LDLRAD4: variants seen among roughly 807,000 people sequenced by gnomAD.
LDLRAD4 encodes low density lipoprotein receptor class A domain containing 4, also known as low-density lipoprotein receptor class A domain-containing protein 4.
A neutral mutation model predicts 17.0 loss-of-function variants in LDLRAD4; 5 were observed. That is an observed-to-expected ratio of 0.29 (90% CI 0.15 to 0.62). The LOEUF is 0.62. Among genes scored for constraint, LDLRAD4 ranks in the 20% least tolerant of loss-of-function variants. LDLRAD4 has a pLI of 0.84. For missense variants in LDLRAD4, 340 were observed against 424.7 expected (o/e 0.80, Z 1.75); for synonymous variants, 168 against 171.8 (o/e 0.98, Z 0.17).
intron 3 of LDLRAD4, among the ~76,000 whole-genome samples, chr18:13,582,167 A>AG (rs1307538764): frequency 6.6e-6 from 1 of 152,190 alleles, no homozygotes; most frequent in Non-Finnish European, 1.5e-5. Flanking sequence ...GCCAAAAATG[A>AG]GGGAAAAAAC....
chr18:13,305,206 T>C (rs989656850), intron 1 of LDLRAD4, among the ~76,000 whole-genome samples: 1 of 152,250 alleles, frequency 6.6e-6, no homozygotes, highest in East Asian at 1.9e-4. Context: ...GTACCTGTTA[T>C]AAAAAGTTAA....
intron 3 of LDLRAD4, chr18:13,611,844 T>A: frequency 1.0e-6 from 1 of 985,414 alleles, no homozygotes; most frequent in Non-Finnish European, 1.2e-6. Flanking sequence ...CCTCACGCCT[T>A]GCCAGTACAG....
intron 3 of LDLRAD4, chr18:13,615,445 G>A (rs2039987639): frequency 6.6e-6 from 1 of 152,204 alleles, no homozygotes; most frequent in East Asian, 1.9e-4. Flanking sequence ...GTTATATTAG[G>A]AGCCTAAGGT....
chr18:13,370,539 T>C (rs1195382427), intron 1 of LDLRAD4, among the ~76,000 whole-genome samples: 1 of 152,150 alleles, frequency 6.6e-6, no homozygotes, highest in Non-Finnish European at 1.5e-5. Flanking sequence ...TCAGGGACTC[T>C]ACAGCGGCAC....
At chr18:13,415,948 TG>T (rs1349209833) in intron 2 of LDLRAD4, among the ~76,000 whole-genome samples, 1 of 152,226 alleles carries the variant, frequency 6.6e-6, no homozygotes, top group African/African-American at 2.4e-5. Context: ...GGAACGTGCA[TG>T]GCTCTGTCTT....
chr18:13,247,706 G>A (rs2043024934), intron 1 of LDLRAD4, among the ~76,000 whole-genome samples: 1 of 152,106 alleles, frequency 6.6e-6, no homozygotes, highest in African/African-American at 2.4e-5. Flanking sequence ...GTGCCTGGCG[G>A]TGTGCTTGTC....
At chr18:13,430,392 G>A (rs955217393) in intron 2 of LDLRAD4, among the ~76,000 whole-genome samples, 1 of 152,158 alleles carries the variant, frequency 6.6e-6, no homozygotes, top group Admixed American at 6.5e-5. Flanking sequence ...TTAAAAGCTC[G>A]GCACAGTTGA....
At chr18:13,650,436 C>T (rs921710909) in exon 6 of LDLRAD4, 2 of 398,426 alleles carry the variant, frequency 5.0e-6, no homozygotes, top group Admixed American at 4.4e-5. Flanking sequence ...ACTATCCGTG[C>T]ACATTATATA....
rs753175934 is a variant in LDLRAD4, at chr18:13,506,202, C to T, written c.181+67818C>T. 4.9e-5 allele frequency among the ~76,000 whole-genome samples: 7 copies of T among 143,304 alleles called. No individual in the cohort carries two copies. The East Asian group carries it at 8.4e-4, about 17-fold the overall frequency. 94.0% of individuals were successfully genotyped at this position (143,304 alleles called of 152,430 possible). A position where few individuals can be genotyped will look rare whatever the true frequency, so the allele number is the denominator to read the frequency against. On this transcript the variant is annotated intron_variant, in intron 3 of 5. Coordinates refer to ENST00000359446, the Ensembl canonical transcript of LDLRAD4. The stretch of plus-strand genomic sequence containing the variant: ...TCACTGCAGCCTGGCCACCAACCTG[C>T]GAGCAGCTGTTTCCTCTTTTTTTTT...
intron 2 of LDLRAD4, among the ~76,000 whole-genome samples, chr18:13,418,956 G>C (rs796944948): frequency 1.3e-5 from 2 of 152,318 alleles, no homozygotes; most frequent in African/African-American, 4.8e-5. Context: ...ATTGAATTTA[G>C]TGGTGGCTTG....
At chr18:13,512,812 C>T (rs929421506) in intron 3 of LDLRAD4, among the ~76,000 whole-genome samples, 1 of 152,132 alleles carries the variant, frequency 6.6e-6, no homozygotes, top group African/African-American at 2.4e-5. Flanking sequence ...GGTCAAATTC[C>T]AGTTGGCTGT....
chr18:13,642,921 AT>A (rs1282432755), intron 4 of LDLRAD4, among the ~76,000 whole-genome samples: 3 of 126,496 alleles, frequency 2.4e-5, no homozygotes, highest in African/African-American at 3.6e-5. Context: ...TTGTTTATCT[AT>A]TTTTTGTTTT....
chr18:13,521,188 C>G (rs920706932), intron 3 of LDLRAD4: 1 of 152,208 alleles, frequency 6.6e-6, no homozygotes, highest in African/African-American at 2.4e-5. Flanking sequence ...ACCCAACCGA[C>G]TCTTGATCGC....
chr18:13,365,960 A>C (rs938471437), intron 1 of LDLRAD4, among the ~76,000 whole-genome samples: 3 of 152,196 alleles, frequency 2.0e-5, no homozygotes, highest in African/African-American at 7.2e-5. Flanking sequence ...TCTTTAGTAG[A>C]GAAGGGGTTT....
chr18:13,457,792 G>T lies in LDLRAD4; in HGVS notation c.181+19408G>T, dbSNP rs1294031566. ...CGGCTCCCCCTGCCTCGCTACCTGG[G>T]CCCCCGCTCCCCTGTGCAGTGTGCT... On this transcript the variant is annotated intron_variant, in intron 3 of 5. Transcript: ENST00000359446. Among the ~76,000 whole-genome samples the T allele has an allele frequency of 5.9e-5, 9 of 152,128 alleles. No individual in the cohort carries two copies. In the South Asian group the frequency reaches 1.2e-3, roughly 21 times the overall value.
At chr18:13,611,351 G>A (rs2039537991) in intron 3 of LDLRAD4, 1 of 415,262 alleles carries the variant, frequency 2.4e-6, no homozygotes, top group Non-Finnish European at 3.2e-6. Context: ...GGCAGTGCTT[G>A]TGGTGGGGGT....
intron 3 of LDLRAD4, among the ~76,000 whole-genome samples, chr18:13,453,927 T>C (rs1169540841): frequency 6.6e-6 from 1 of 152,272 alleles, no homozygotes; most frequent in Non-Finnish European, 1.5e-5. Context: ...CATTAAAATA[T>C]GCTAACAGGC....
chr18:13,450,336 CCA>C (rs2091745007), intron 3 of LDLRAD4, among the ~76,000 whole-genome samples: 1 of 119,672 alleles, frequency 8.4e-6, no homozygotes, highest in African/African-American at 3.4e-5. Context: ...ACCCCCCCCC[CCA>C]AAAAAACACA....
intron 3 of LDLRAD4, among the ~76,000 whole-genome samples, chr18:13,486,204 G>T (rs1052730151): frequency 6.6e-6 from 1 of 152,188 alleles, no homozygotes; most frequent in African/African-American, 2.4e-5. Flanking sequence ...TAATGAGGAC[G>T]TTACTGCAGA....
Sources: allele counts gnomAD v4.1 joint callset (sites outside exome capture counted in the v4.1 genomes callset), GRCh38; gene constraint gnomAD v4.1.1; transcripts MANE v1.5; gene names NCBI Gene and HGNC (gene_info 2026-07-23, HGNC 2026-07-21).